The following ERCC6L2 variants were observed in gnomAD, a reference collection of about 807,000 sequenced individuals.
ERCC6L2 encodes the protein ERCC excision repair 6 like 2, also known as DNA excision repair protein ERCC-6-like 2.
ERCC6L2 carries 77 observed loss-of-function variants against 132.0 expected under a neutral mutation model. The observed-to-expected ratio is 0.58, with a 90% confidence interval of 0.49 to 0.71. The LOEUF is 0.71. Among genes scored for constraint, ERCC6L2 ranks in the 30% least tolerant of loss-of-function variants. The pLI is 0.00. For synonymous variants in ERCC6L2, 583 were observed against 632.4 expected, an observed-to-expected ratio of 0.92 and a Z score of 1.17; for missense variants, 1,542 against 1,837.6, an observed-to-expected ratio of 0.84 and a Z score of 2.94.
chr9:95,917,486 A>G (rs1380722399), intron 6 of ERCC6L2, among the ~76,000 whole-genome samples: 1 of 152,218 alleles, frequency 6.6e-6, no homozygotes, highest in Non-Finnish European at 1.5e-5. Context: ...TTTGAAAGGA[A>G]AATACGATAT....
intron 11 of ERCC6L2, among the ~76,000 whole-genome samples, chr9:95,934,166 G>A (rs1054829391): frequency 6.6e-6 from 1 of 152,118 alleles, no homozygotes; most frequent in Non-Finnish European, 1.5e-5. Flanking sequence ...GAAAATCATT[G>A]TGTTCTTGGA....
intron 9 of ERCC6L2, among the ~76,000 whole-genome samples, chr9:95,926,744 A>G (rs1414534413): frequency 6.6e-6 from 1 of 152,168 alleles, no homozygotes; most frequent in African/African-American, 2.4e-5. Context: ...GAACTATGTA[A>G]CACAATGAAT....
chr9:95,910,243 G>A (rs1371932038), intron 4 of ERCC6L2, among the ~76,000 whole-genome samples: 1 of 152,076 alleles, frequency 6.6e-6, no homozygotes, highest in African/African-American at 2.4e-5. Flanking sequence ...TTAGTATTTT[G>A]AAGCTCTTTT....
rs563410468 is a variant in ERCC6L2 at position 95,892,504 on chromosome 9, A to G, written c.472-5345A>G. 3.3e-5 allele frequency among the ~76,000 whole-genome samples: 5 copies of G among 150,540 alleles called. No individual in the cohort carries two copies. In the East Asian group the frequency reaches 5.9e-4, roughly 18 times the overall value. On this transcript the variant is annotated intron_variant, in intron 2 of 18. Transcript: ENST00000653738. ...GTGGTGGTGATCTCAGCTCACTGCA[A>G]CCTCTGCCTCCTGGTTCAAGTGATT...
intron 9 of ERCC6L2, among the ~76,000 whole-genome samples, chr9:95,925,534 AAGACTCCAAC>A (rs1830063304): frequency 6.6e-6 from 1 of 152,190 alleles, no homozygotes; most frequent in African/African-American, 2.4e-5. Flanking sequence ...CTATATTGTT[AAGACTCCAAC>A]ATCTGTTGAT....
intron 17 of ERCC6L2, among the ~76,000 whole-genome samples, chr9:95,990,917 C>T (rs1487824752): frequency 2.0e-5 from 3 of 152,094 alleles, no homozygotes; most frequent in South Asian, 2.1e-4. Flanking sequence ...CTTTATTGAG[C>T]GGTGGGCGGC....
rs1834148810 is a variant in ERCC6L2 at position 96,015,011 on chromosome 9, T to C, written c.*1808T>C. 7.3e-6 allele frequency among the ~76,000 whole-genome samples: 1 copy of C among 136,848 alleles called. No individual in the cohort carries two copies. The highest frequency in any genetic ancestry group is 7.6e-5 in the Admixed American group (1 of 13,092). 89.8% of individuals were successfully genotyped at this position (136,848 alleles called of 152,430 possible). On this transcript the variant is annotated 3_prime_UTR_variant, in exon 19 of 19. Transcript: ENST00000653738. Reference sequence around the variant, plus strand: ...ATTAGCTCTATAGTCTTCATATATGTACAGTTTTTTTTTTTTTTTTTTTTT... The same window carrying C: ...ATTAGCTCTATAGTCTTCATATATGCACAGTTTTTTTTTTTTTTTTTTTTT...
intron 16 of ERCC6L2, among the ~76,000 whole-genome samples, chr9:95,974,505 C>T (rs557768968): frequency 6.6e-6 from 1 of 152,254 alleles, no homozygotes; most frequent in Non-Finnish European, 1.5e-5. Flanking sequence ...TGGCATGCTG[C>T]TAGTCATTTT....
At chr9:95,924,506 G>C (rs1408055542) in intron 9 of ERCC6L2, among the ~76,000 whole-genome samples, 1 of 151,846 alleles carries the variant, frequency 6.6e-6, no homozygotes, top group Non-Finnish European at 1.5e-5. Context: ...GTCCGGTTTA[G>C]AACTGAGCAC....
intron 17 of ERCC6L2, among the ~76,000 whole-genome samples, chr9:95,991,418 T>G (rs1833297167): frequency 6.6e-6 from 1 of 152,234 alleles, no homozygotes; most frequent in Non-Finnish European, 1.5e-5. Flanking sequence ...ATGGGAAGTT[T>G]GCATAAAGCA....
chr9:95,966,025 C>T (rs1303078382), intron 13 of ERCC6L2, among the ~76,000 whole-genome samples: 3 of 152,094 alleles, frequency 2.0e-5, no homozygotes, highest in Non-Finnish European at 2.9e-5. Flanking sequence ...TGTTCCATGT[C>T]AGTGTTCTTT....
At chr9:96,026,435 G>C (rs908330439) in intron 19 of ERCC6L2, among the ~76,000 whole-genome samples, 2 of 152,120 alleles carry the variant, frequency 1.3e-5, no homozygotes, top group African/African-American at 2.4e-5. Context: ...CAGTGGGGCG[G>C]GGGTGGGGGA....
chr9:95,890,961 C>A (rs1828128650), intron 2 of ERCC6L2, among the ~76,000 whole-genome samples: 1 of 152,146 alleles, frequency 6.6e-6, no homozygotes, highest in Admixed American at 6.5e-5. Context: ...GCCTGTAATC[C>A]CAGCACTTTG....
rs2274654 is a variant in ERCC6L2, at chr9:95,928,855, T to C, written c.1742T>C (p.Val581Ala). 263,824 of 1,581,954 alleles carry C rather than the reference T, an allele frequency of 0.17. 23,775 individuals carry two copies. The highest frequency in any genetic ancestry group is 0.29 in the East Asian group (12,896 of 43,790). The change falls in exon 11 of 19, where the codon GTC becomes GCC. Residue 581 changes from valine (V) to alanine (A), a missense_variant. Around this residue, in one of 4 missense-constraint regions of ERCC6L2, gnomAD observed 945 missense variants for 1,105.2 expected, o/e 0.86. Transcript: ENST00000653738. ...NSTQDVNICL[V>A]STMAGGLGLN... ...ACACAAGATGTTAACATTTGCCTTG[T>C]CTCTACAATGTAAGAAAATTAAATT...
chr9:95,953,713 A>G (rs1210034589), intron 12 of ERCC6L2, among the ~76,000 whole-genome samples: 1 of 152,082 alleles, frequency 6.6e-6, no homozygotes, highest in Non-Finnish European at 1.5e-5. Flanking sequence ...GGAACAAAGT[A>G]AAGAAAATAG....
At chr9:96,005,330 CAT>C (rs1283454074) in intron 18 of ERCC6L2, among the ~76,000 whole-genome samples, 1 of 151,696 alleles carries the variant, frequency 6.6e-6, no homozygotes, top group African/African-American at 2.4e-5. Context: ...AAAGGACAGA[CAT>C]AGAGCCTCCA....
intron 4 of ERCC6L2, among the ~76,000 whole-genome samples, chr9:95,907,686 C>CT (rs1829114348): frequency 6.6e-6 from 1 of 152,066 alleles, no homozygotes; most frequent in Non-Finnish European, 1.5e-5. Flanking sequence ...TCTTCAAACA[C>CT]TGATTGTTAA....
chr9:95,977,190 A>G (rs1039272454), intron 16 of ERCC6L2, among the ~76,000 whole-genome samples: 2 of 151,932 alleles, frequency 1.3e-5, no homozygotes, highest in Non-Finnish European at 2.9e-5. Context: ...ATTTTCTGCC[A>G]TGAAGGTTTT....
At chr9:95,984,493 C>T (rs1430634557) in intron 17 of ERCC6L2, among the ~76,000 whole-genome samples, 2 of 152,028 alleles carry the variant, frequency 1.3e-5, no homozygotes, top group Non-Finnish European at 2.9e-5. Context: ...TGCGTCCTCT[C>T]TTCCACAAAG....
Sources: allele counts gnomAD v4.1 joint callset (sites outside exome capture counted in the v4.1 genomes callset), GRCh38; gene constraint gnomAD v4.1.1; regional missense constraint gnomAD v4.1.1; transcripts MANE v1.5; gene names NCBI Gene and HGNC (gene_info 2026-07-23, HGNC 2026-07-21).